Variants in COMMD7 observed in about 807,000 individuals in gnomAD.
COMMD7 encodes the protein COMM domain-containing protein 7.
COMMD7 carries 28 observed loss-of-function variants against 34.8 expected under a neutral mutation model. That is an observed-to-expected ratio of 0.80 (90% CI 0.60 to 1.10). COMMD7 has a LOEUF of 1.10. Among genes scored for constraint, COMMD7 ranks in the 50% least tolerant of loss-of-function variants. The probability of loss-of-function intolerance (pLI) is 0.00; values close to 1 mark genes in which losing one functional copy is unlikely to be tolerated. For missense variants in COMMD7, 211 were observed against 241.6 expected (o/e 0.87, Z 0.84); for synonymous variants, 80 against 86.4 (o/e 0.93, Z 0.41).
Position 32,707,294 on chromosome 20 carries a change from A to AAAT in COMMD7, c.242-535_242-534insATT, listed in dbSNP as rs1555822524. Among the ~76,000 whole-genome samples, 186 of 129,204 alleles carry AAAT rather than the reference A, an allele frequency of 1.4e-3. 1 individual carries two copies. The highest frequency in any genetic ancestry group is 4.9e-3 in the African/African-American group (176 of 35,862). The allele number at this position is 129,204 out of a possible 152,430, so 84.8% of individuals were successfully genotyped here. On this transcript the variant is annotated intron_variant, in intron 3 of 8. Coordinates refer to ENST00000278980, the MANE Select transcript of COMMD7 (RefSeq NM_053041.3). Reference sequence around the variant, plus strand: ...GCGAGACTCCGTCTCAAAAAAAAAAAATATATATATATATACTTATCTCAA... The same window carrying AAAT: ...GCGAGACTCCGTCTCAAAAAAAAAAAAATATATATATATATATACTTATCTCAA...
intron 1 of COMMD7, among the ~76,000 whole-genome samples, chr20:32,737,379 A>AG (rs1555828238): frequency 9.8e-6 from 1 of 101,622 alleles, no homozygotes; most frequent in African/African-American, 3.7e-5. Flanking sequence ...CAAAAAAAAA[A>AG]GATAAGCCAG....
At chr20:32,716,620 CA>C (rs201058359) in intron 3 of COMMD7, among the ~76,000 whole-genome samples, 4 of 151,470 alleles carry the variant, frequency 2.6e-5, no homozygotes, top group African/African-American at 7.3e-5. Context: ...GTCTCAAAAA[CA>C]AAAAAAACAA....
At chr20:32,716,690 A>C (rs973285185) in intron 3 of COMMD7, among the ~76,000 whole-genome samples, 3 of 152,320 alleles carry the variant, frequency 2.0e-5, no homozygotes, top group East Asian at 3.9e-4. Flanking sequence ...GCTACTCAGC[A>C]GACTGAGGTG....
At chr20:32,728,474 GCAC>G (rs1985651755) in intron 1 of COMMD7, among the ~76,000 whole-genome samples, 2 of 142,878 alleles carry the variant, frequency 1.4e-5, no homozygotes, top group Non-Finnish European at 3.1e-5. Flanking sequence ...ACACACGCAC[GCAC>G]AAGGGGGAAA....
chr20:32,739,926 G>A (rs118191495), intron 1 of COMMD7, among the ~76,000 whole-genome samples: 4,800 of 142,604 alleles, frequency 0.034, 698 homozygotes, highest in Non-Finnish European at 0.048. Context: ...AGTGGCTGCA[G>A]CATGAGACTC....
intron 3 of COMMD7, among the ~76,000 whole-genome samples, chr20:32,706,995 C>T (rs574707331): frequency 6.6e-6 from 1 of 151,254 alleles, no homozygotes; most frequent in African/African-American, 2.4e-5. Context: ...TTATTTTTGC[C>T]GGGCACGGTA....
chr20:32,721,263 G>A (rs147159147), intron 3 of COMMD7, among the ~76,000 whole-genome samples: 327 of 152,240 alleles, frequency 2.1e-3, no homozygotes, highest in African/African-American at 7.2e-3. Flanking sequence ...CTTGGGCCCA[G>A]GATCGCTGGA....
intron 1 of COMMD7, among the ~76,000 whole-genome samples, chr20:32,730,745 G>A (rs1985790095): frequency 6.6e-6 from 1 of 152,086 alleles, no homozygotes; most frequent in Non-Finnish European, 1.5e-5. Flanking sequence ...AGAATACACA[G>A]CTTCCAATAC....
chr20:32,738,808 C>T (rs1316656134), intron 1 of COMMD7, among the ~76,000 whole-genome samples: 2 of 151,946 alleles, frequency 1.3e-5, no homozygotes, highest in South Asian at 2.1e-4. Flanking sequence ...CATAGCTAAC[C>T]GCAGCCTCCA....
chr20:32,704,378 T>G (rs945684561), intron 7 of COMMD7, 62 bp downstream of exon 7: 3 of 1,060,238 alleles, frequency 2.8e-6, no homozygotes, highest in African/African-American at 4.3e-5. Flanking sequence ...TAACCCAATG[T>G]AGATATAATT....
rs569824933 is a variant in COMMD7, at chr20:32,743,244, C to T, written c.84+64G>A. 3.9e-5 allele frequency: 36 copies of T among 912,138 alleles called. 2 individuals are homozygous for T. Among genetic ancestry groups the T allele is most frequent in the African/African-American group, 2.2e-4 (13 of 58,096 alleles). 56.5% of individuals were successfully genotyped at this position (912,138 alleles called of 1,614,324 possible). A position where few individuals can be genotyped will look rare whatever the true frequency, so the allele number is the denominator to read the frequency against. The stretch of plus-strand genomic sequence containing the variant: ...CCCGCGCACCCCCGGACGTCCCCCC[C>T]ACCCCAGGCCCGGATCCTGGAATCA... On this transcript the variant is annotated intron_variant, in intron 1 of 8. Transcript: ENST00000278980.
At chr20:32,729,036 C>A (rs1008576913) in intron 1 of COMMD7, among the ~76,000 whole-genome samples, 3 of 152,070 alleles carry the variant, frequency 2.0e-5, no homozygotes, top group Non-Finnish European at 4.4e-5. Flanking sequence ...TGTGTCTCCC[C>A]AAAATTCATA....
At chr20:32,734,029 A>C (rs188344999) in intron 1 of COMMD7, among the ~76,000 whole-genome samples, 28 of 150,908 alleles carry the variant, frequency 1.9e-4, no homozygotes, top group African/African-American at 5.6e-4. Flanking sequence ...AAAAATAAAA[A>C]AATTAGCCAA....
chr20:32,713,798 G>A (rs184758886), intron 3 of COMMD7, among the ~76,000 whole-genome samples: 8 of 152,272 alleles, frequency 5.3e-5, no homozygotes, highest in East Asian at 3.9e-4. Flanking sequence ...CAGCAATAAC[G>A]TAAAACATAA....
intron 3 of COMMD7, 56 bp from the exon 4 acceptor site, chr20:32,706,816 TA>T (rs1363034695): frequency 6.9e-7 from 1 of 1,440,026 alleles, no homozygotes; most frequent in East Asian, 2.3e-5. Flanking sequence ...TAGTCGGCAA[TA>T]AGTATTTAAT....
chr20:32,718,273 G>A (rs1407910760), intron 3 of COMMD7, among the ~76,000 whole-genome samples: 1 of 151,862 alleles, frequency 6.6e-6, no homozygotes, highest in Non-Finnish European at 1.5e-5. Context: ...GCGTGGTGGC[G>A]GGCGCCTGTG....
chr20:32,706,654 A>G lies in COMMD7; in HGVS notation c.299-34T>C, dbSNP rs768403390. The G allele has an allele frequency of 3.7e-6, 6 of 1,612,312 alleles. No homozygotes were observed. In the South Asian group the frequency reaches 6.6e-5, roughly 18 times the overall value. On this transcript the variant is annotated intron_variant, in intron 4 of 8. Coordinates refer to ENST00000278980, the MANE Select transcript of COMMD7 (RefSeq NM_053041.3). ...GAACAGAAGGAGATATTAACATAAT[A>G]AAAAGCCTCAGAAGCCAGTCACCCT... is the stretch of plus-strand genomic sequence containing the variant.
chr20:32,723,175 C>G (rs1157332028), intron 3 of COMMD7, among the ~76,000 whole-genome samples: 1 of 51,504 alleles, frequency 1.9e-5, no homozygotes, highest in East Asian at 3.2e-4. Context: ...CCTCTCCCCA[C>G]GGTCTCCCTC....
chr20:32,705,261 T>C (rs1983994360), intron 5 of COMMD7, among the ~76,000 whole-genome samples: 1 of 151,804 alleles, frequency 6.6e-6, no homozygotes, highest in Non-Finnish European at 1.5e-5. Flanking sequence ...TCTCTATTTT[T>C]GTCACAGTGA....
Sources: gnomAD v4.1 joint callset for allele counts (sites outside exome capture counted in the v4.1 genomes callset) on GRCh38, gnomAD v4.1.1 for gene constraint, MANE v1.5 for transcripts, NCBI Gene and HGNC (gene_info 2026-07-23, HGNC 2026-07-21) for gene names.